The following CYTH1 variants were observed in gnomAD, a reference collection of about 807,000 sequenced individuals.
The protein encoded by CYTH1 is cytohesin 1, also known as cytohesin-1.
In CYTH1, 18 loss-of-function variants were observed where a neutral mutation model predicts 61.8. The ratio of observed to expected loss-of-function variants is 0.29; its 90% CI spans 0.20 to 0.43. The LOEUF is 0.43. Ranked by LOEUF, CYTH1 falls within the 20% of genes least tolerant of loss-of-function variation. The pLI is 1.00. For missense variants in CYTH1, 336 were observed against 510.5 expected (o/e 0.66, Z 3.29); for synonymous variants, 174 against 184.3 (o/e 0.94, Z 0.45).
intron 1 of CYTH1, among the ~76,000 whole-genome samples, chr17:78,719,838 C>T (rs1266524000): frequency 6.6e-6 from 1 of 152,180 alleles, no homozygotes; most frequent in African/African-American, 2.4e-5. Context: ...AGAGTTCACA[C>T]CTTCACACAG....
chr17:78,699,966 A>AT (rs1380749632), intron 7 of CYTH1, among the ~76,000 whole-genome samples: 3 of 151,932 alleles, frequency 2.0e-5, no homozygotes, highest in Non-Finnish European at 4.4e-5. Flanking sequence ...ATTTTTAAAA[A>AT]TTTTTTTGGA....
chr17:78,760,971 G>A (rs896356830), intron 1 of CYTH1, among the ~76,000 whole-genome samples: 1 of 152,060 alleles, frequency 6.6e-6, no homozygotes, highest in African/African-American at 2.4e-5. Flanking sequence ...GAGTAGCTGG[G>A]ACTACAGGCA....
chr17:78,781,300 C>T (rs1236455516), intron 1 of CYTH1, among the ~76,000 whole-genome samples: 1 of 152,212 alleles, frequency 6.6e-6, no homozygotes, highest in East Asian at 1.9e-4. Context: ...TTCTATTTGC[C>T]ATTCTTCCTT....
chr17:78,722,493 C>T (rs1355490213), intron 1 of CYTH1, among the ~76,000 whole-genome samples: 1 of 152,178 alleles, frequency 6.6e-6, no homozygotes, highest in Non-Finnish European at 1.5e-5. Context: ...GCCCCTCCTC[C>T]CAAGGGGGCA....
chr17:78,764,050 G>A (rs2093438975), intron 1 of CYTH1, among the ~76,000 whole-genome samples: 1 of 152,064 alleles, frequency 6.6e-6, no homozygotes, highest in Non-Finnish European at 1.5e-5. Context: ...GGCAGAGGTT[G>A]CAGTGAGCCA....
At chr17:78,754,294 T>A (rs910937873) in intron 1 of CYTH1, among the ~76,000 whole-genome samples, 1 of 152,204 alleles carries the variant, frequency 6.6e-6, no homozygotes, top group African/African-American at 2.4e-5. Flanking sequence ...TTCTAGTTTT[T>A]ACGTGACTTT....
At chr17:78,763,298 G>A (rs1466818899) in intron 1 of CYTH1, among the ~76,000 whole-genome samples, 2 of 148,040 alleles carry the variant, frequency 1.4e-5, no homozygotes, top group South Asian at 2.1e-4. Flanking sequence ...AGCCGAGGCC[G>A]TGCCAAAAAA....
intron 3 of CYTH1, among the ~76,000 whole-genome samples, chr17:78,707,425 A>G (rs1403624420): frequency 3.3e-5 from 5 of 152,210 alleles, no homozygotes; most frequent in Non-Finnish European, 7.3e-5. Flanking sequence ...GTCCTTTTAT[A>G]CTATCATCGC....
intron 1 of CYTH1, among the ~76,000 whole-genome samples, chr17:78,763,660 GA>G (rs1477709007): frequency 6.6e-6 from 1 of 152,198 alleles, no homozygotes; most frequent in Non-Finnish European, 1.5e-5. Context: ...AGAGTTACGT[GA>G]ATGTAGTCTC....
intron 1 of CYTH1, among the ~76,000 whole-genome samples, chr17:78,762,505 T>C (rs1248186836): frequency 6.6e-6 from 1 of 152,170 alleles, no homozygotes; most frequent in Admixed American, 6.5e-5. Flanking sequence ...AAGGTAGATG[T>C]ATAGATGTAG....
chr17:78,730,970 T>A (rs968021028), intron 1 of CYTH1, among the ~76,000 whole-genome samples: 1 of 151,908 alleles, frequency 6.6e-6, no homozygotes, highest in African/African-American at 2.4e-5. Flanking sequence ...GGCACGAAAT[T>A]ATCTTCTTAA....
chr17:78,743,500 G>A (rs891585942), intron 1 of CYTH1, among the ~76,000 whole-genome samples: 20 of 152,176 alleles, frequency 1.3e-4, no homozygotes, highest in Non-Finnish European at 7.3e-5. Context: ...GCTCACTGGA[G>A]CATTTTGGAT....
Position 78,713,274 on chromosome 17 carries a change from A to C in CYTH1, c.23-3542T>G, listed in dbSNP as rs140329606. 2.9e-3 allele frequency among the ~76,000 whole-genome samples: 445 copies of C among 152,138 alleles called. 2 individuals are homozygous for C. Among genetic ancestry groups the C allele is most frequent in the Admixed American group, 5.2e-3 (80 of 15,278 alleles). On this transcript the variant is annotated intron_variant, in intron 1 of 13. Coordinates refer to ENST00000446868, the MANE Select transcript of CYTH1 (RefSeq NM_004762.6). Reference sequence around the variant, plus strand: ...TGCTTCACAGCCCAGAAAAATTTCTAGTCCAAGTAGAAGACCCCTTTAAGA... The same window carrying C: ...TGCTTCACAGCCCAGAAAAATTTCTCGTCCAAGTAGAAGACCCCTTTAAGA...
At chr17:78,676,228 C>G in intron 13 of CYTH1, 59 bp from the exon 14 acceptor site, 1 of 1,535,976 alleles carries the variant, frequency 6.5e-7, no homozygotes, top group South Asian at 1.2e-5. Context: ...AAGAAACACA[C>G]CCAGGCAGGG....
intron 1 of CYTH1, among the ~76,000 whole-genome samples, chr17:78,762,313 TC>T (rs1329168365): frequency 6.6e-6 from 1 of 152,198 alleles, no homozygotes; most frequent in East Asian, 1.9e-4. Context: ...GCACATGCCT[TC>T]CCCTACCTTT....
In CYTH1 at chr17:78,732,131, G is replaced by A. The variant is rs1234955126; in HGVS notation, c.23-22399C>T. Among the ~76,000 whole-genome samples, 4 of 152,004 alleles carry A rather than the reference G, an allele frequency of 2.6e-5. No homozygotes were observed. The East Asian group carries it at 7.7e-4, about 29-fold the overall frequency. ...CAGTCCCTGACTTTGTCCTCCCTTC[G>A]GCTGACCACGCTGCAGGCTGATAAA... On this transcript the variant is annotated intron_variant, in intron 1 of 13. Coordinates refer to ENST00000446868, the MANE Select transcript of CYTH1 (RefSeq NM_004762.6).
chr17:78,686,252 T>C (rs1352000403), intron 11 of CYTH1, among the ~76,000 whole-genome samples: 6 of 152,252 alleles, frequency 3.9e-5, no homozygotes, highest in Non-Finnish European at 8.8e-5. Flanking sequence ...TATTTTCAGC[T>C]AATTTGTTCC....
In CYTH1 at chr17:78,760,447, A is replaced by ATATATGTATG. The variant is rs2093420432; in HGVS notation, c.22+21754_22+21755insCATACATATA. On this transcript the variant is annotated intron_variant, in intron 1 of 13. Coordinates refer to ENST00000446868, the MANE Select transcript of CYTH1 (RefSeq NM_004762.6). ...TATACACATACATATATATATGTAT[A>ATATATGTATG]TATATATACATACATATATATATGT... Among the ~76,000 whole-genome samples the ATATATGTATG allele has an allele frequency of 1.7e-4, 11 of 63,998 alleles. 2 individuals are homozygous for ATATATGTATG. The highest frequency in any genetic ancestry group is 3.0e-5 in the Non-Finnish European group (1 of 33,574). 42.0% of individuals were successfully genotyped at this position (63,998 alleles called of 152,430 possible).
At chr17:78,676,720 G>A (rs546885772) in intron 13 of CYTH1, 41 of 336,260 alleles carry the variant, frequency 1.2e-4, no homozygotes, top group South Asian at 5.5e-4. Context: ...TGGACAGACC[G>A]GCTGGACCTG....
Sources: allele counts gnomAD v4.1 joint callset (sites outside exome capture counted in the v4.1 genomes callset), GRCh38; gene constraint gnomAD v4.1.1; transcripts MANE v1.5; gene names NCBI Gene and HGNC (gene_info 2026-07-23, HGNC 2026-07-21).